Variants in CTBP2 observed in about 807,000 individuals in gnomAD.
The protein encoded by CTBP2 is C-terminal-binding protein 2.
In CTBP2, 30 loss-of-function variants were observed where a neutral mutation model predicts 80.3. That is an observed-to-expected ratio of 0.37 (90% CI 0.28 to 0.51). The LOEUF is 0.51. Among genes scored for constraint, CTBP2 ranks in the 20% least tolerant of loss-of-function variants. The pLI is 0.93. For missense variants in CTBP2, 1,212 were observed against 1,375.3 expected (o/e 0.88, Z 1.88); for synonymous variants, 594 against 587.4 (o/e 1.01, Z -0.16).
At chr10:125,085,041 C>T (rs534068244) in intron 2 of CTBP2, among the ~76,000 whole-genome samples, 39 of 152,316 alleles carry the variant, frequency 2.6e-4, no homozygotes, top group East Asian at 1.7e-3. Flanking sequence ...CCCGACCTGG[C>T]GCACCTCCAG....
chr10:125,012,131 G>A (rs188481807), intron 1 of CTBP2, among the ~76,000 whole-genome samples: 7 of 152,378 alleles, frequency 4.6e-5, no homozygotes, highest in African/African-American at 1.7e-4. Context: ...AGCCAAGGAC[G>A]TGAGGCTCTG....
At chr10:125,008,110 C>G (rs1205110281) in intron 1 of CTBP2, among the ~76,000 whole-genome samples, 1 of 152,168 alleles carries the variant, frequency 6.6e-6, no homozygotes. Context: ...CCATGCCTGG[C>G]TAATTTTGTA....
In CTBP2 at chr10:125,003,090, G is replaced by A. The variant is rs201919800; in HGVS notation, c.1848C>T (p.Ala616=). ...TGGTGTGGTACATCATGGCGCCCACGGCTTCGTTTAGAACCTGCGTGGGAA... is the reference window on the plus strand; with the variant it reads ...TGGTGTGGTACATCATGGCGCCCACAGCTTCGTTTAGAACCTGCGTGGGAA... Residue 616 remains alanine (A), a synonymous_variant, in exon 3 of 9, where the codon GCC becomes GCT. Coordinates refer to ENST00000309035, the MANE Select transcript of CTBP2 (RefSeq NM_022802.3). 217 of 1,613,862 alleles carry A rather than the reference G, an allele frequency of 1.3e-4. No homozygotes were observed. Among genetic ancestry groups the A allele is most frequent in the Non-Finnish European group, 1.7e-4 (196 of 1,180,036 alleles).
chr10:125,090,457 A>T lies in CTBP2; in HGVS notation c.-102+20533T>A, dbSNP rs562972006. Among the ~76,000 whole-genome samples, 470 of 105,698 alleles carry T rather than the reference A, an allele frequency of 4.4e-3. 1 individual carries two copies. Among genetic ancestry groups the T allele is most frequent in the Non-Finnish European group, 4.5e-3 (223 of 49,480 alleles). The allele number at this position is 105,698 out of a possible 152,430, so 69.3% of individuals were successfully genotyped here. ...AAATATGGAATAATAATGGTTATTT[A>T]AAAAAAAAAAAAAAAGCTGAGGAGG... On this transcript the variant is annotated intron_variant, in intron 2 of 10. Transcript: ENST00000337195.
intron 4 of CTBP2, chr10:124,996,775 C>T (rs11245458): frequency 0.19 from 28,418 of 152,168 alleles, 3,387 homozygotes; most frequent in Middle Eastern, 0.3. Context: ...GATGAAGCTG[C>T]ATCTCCGAGC....
chr10:125,132,133 T>G (rs1057109155), intron 1 of CTBP2, among the ~76,000 whole-genome samples: 1 of 152,228 alleles, frequency 6.6e-6, no homozygotes, highest in Non-Finnish European at 1.5e-5. Context: ...GTAAATCTTC[T>G]GGTAACAAGT....
chr10:125,159,802 G>C (rs1012454189), intron 1 of CTBP2: 4 of 150,176 alleles, frequency 2.7e-5, no homozygotes, highest in Admixed American at 6.6e-5. Flanking sequence ...TATTGTCCCC[G>C]CGGCGCGTCG....
intron 1 of CTBP2, among the ~76,000 whole-genome samples, chr10:125,022,388 C>T (rs1957134147): frequency 6.6e-6 from 1 of 152,252 alleles, no homozygotes; most frequent in African/African-American, 2.4e-5. Context: ...GGGTCTTGCC[C>T]ACCTGGGAGC....
At chr10:125,075,514 C>T (rs1846148499) in intron 2 of CTBP2, among the ~76,000 whole-genome samples, 1 of 152,080 alleles carries the variant, frequency 6.6e-6, no homozygotes, top group African/African-American at 2.4e-5. Context: ...CTTGGACTTC[C>T]CAACCTCAAA....
chr10:125,125,717 C>T (rs10510139), intron 1 of CTBP2, among the ~76,000 whole-genome samples: 68,018 of 151,954 alleles, frequency 0.45, 16,468 homozygotes, highest in East Asian at 0.68. Flanking sequence ...GTGATGGGGA[C>T]GCGAATGTTT....
intron 2 of CTBP2, among the ~76,000 whole-genome samples, chr10:125,049,164 C>T (rs1316763715): frequency 6.6e-6 from 1 of 152,030 alleles, no homozygotes; most frequent in Non-Finnish European, 1.5e-5. Context: ...CACCTCTTCT[C>T]CACACTGGCA....
chr10:125,020,974 A>G (rs930679030), intron 1 of CTBP2, among the ~76,000 whole-genome samples: 1 of 152,216 alleles, frequency 6.6e-6, no homozygotes, highest in African/African-American at 2.4e-5. Context: ...AAAACTGAGG[A>G]CCACAGCAGG....
chr10:125,016,925 G>C (rs989068880), intron 1 of CTBP2, among the ~76,000 whole-genome samples: 3 of 152,238 alleles, frequency 2.0e-5, no homozygotes, highest in African/African-American at 7.2e-5. Context: ...GAAACGTGTT[G>C]GGTTGAGAGG....
intron 3 of CTBP2, among the ~76,000 whole-genome samples, chr10:125,038,087 G>A (rs1959066577): frequency 6.6e-6 from 1 of 152,180 alleles, no homozygotes; most frequent in African/African-American, 2.4e-5. Flanking sequence ...AGAGTTCTGT[G>A]AGGCCATGGA....
intron 1 of CTBP2, 142 bp from the exon 4 acceptor site, chr10:125,003,634 C>T (rs781368263): frequency 5.2e-5 from 30 of 582,424 alleles, no homozygotes; most frequent in Non-Finnish European, 8.5e-5. Flanking sequence ...CCTCCACCTG[C>T]ATCACCTTCC....
chr10:125,032,618 CCT>C (rs138614425), upstream of CTBP2, among the ~76,000 whole-genome samples: 795 of 152,358 alleles, frequency 5.2e-3, 7 homozygotes, highest in African/African-American at 0.018. Flanking sequence ...CCGCTTAGCC[CCT>C]GACCTGCGGA....
In CTBP2 at chr10:125,074,871, T is replaced by C. The variant is rs146259657; in HGVS notation, c.-101-35716A>G. Among the ~76,000 whole-genome samples the C allele has an allele frequency of 2.4e-3, 371 of 152,338 alleles. 2 individuals are homozygous for C. Among genetic ancestry groups the C allele is most frequent in the African/African-American group, 8.3e-3 (346 of 41,582 alleles). On this transcript the variant is annotated intron_variant, in intron 2 of 10. Coordinates refer to the CTBP2 transcript ENST00000337195. ...GGCAGAGAAGTACAATGAGCTGAGA[T>C]GGCAGCTCAATGGCACAGTGACACT...
intron 2 of CTBP2, among the ~76,000 whole-genome samples, chr10:125,060,192 G>A (rs553201884): frequency 1.3e-5 from 2 of 152,212 alleles, no homozygotes; most frequent in East Asian, 3.9e-4. Flanking sequence ...TTTATTTTAA[G>A]GCACCGTGTG....
At chr10:125,070,566 AATG>A (rs1028715926) in intron 2 of CTBP2, among the ~76,000 whole-genome samples, 6 of 149,282 alleles carry the variant, frequency 4.0e-5, no homozygotes, top group African/African-American at 1.5e-4. Flanking sequence ...AAAAAATGAT[AATG>A]ATAATAATAA....
Sources: gnomAD v4.1 joint callset for allele counts (sites outside exome capture counted in the v4.1 genomes callset) on GRCh38, gnomAD v4.1.1 for gene constraint, MANE v1.5 for transcripts, NCBI Gene and HGNC (gene_info 2026-07-23, HGNC 2026-07-21) for gene names.